STARD7: variants seen among roughly 807,000 people sequenced by gnomAD.
STARD7 encodes StAR related lipid transfer domain containing 7.
In STARD7, 30 loss-of-function variants were observed where a neutral mutation model predicts 45.3. The ratio of observed to expected loss-of-function variants is 0.66; its 90% CI spans 0.50 to 0.90. The LOEUF (loss-of-function observed/expected upper bound fraction) is 0.90, where lower values mean the gene tolerates loss of function less well. STARD7 is among the 40% of genes least tolerant of loss of function. The pLI is 0.00. For synonymous variants in STARD7, 199 were observed against 183.0 expected (o/e 1.09, Z -0.70); for missense variants, 495 against 491.3 (o/e 1.01, Z -0.07).
intron 1 of STARD7, 61 bp downstream of exon 1, chr2:96,208,084 G>T: frequency 6.9e-7 from 1 of 1,450,464 alleles, no homozygotes; most frequent in Non-Finnish European, 9.2e-7. Context: ...CACAGGGCAG[G>T]CCCCAGGGTT....
In STARD7 at chr2:96,186,208, GC is replaced by G. The variant is rs2104164226; in HGVS notation, c.*521del. On this transcript the variant is annotated 3_prime_UTR_variant, in exon 8 of 8. Transcript: ENST00000337288. ...TAACTTCATGTCTCTAGAGATAAAA[GC>G]AAGGTGCGGACAAGGCACTTAACAT... The G allele has an allele frequency of 6.6e-6, 1 of 152,258 alleles. No homozygotes were observed. Among genetic ancestry groups the G allele is most frequent in the South Asian group, 2.1e-4 (1 of 4,770 alleles). The allele number at this position is 152,258 out of a possible 1,614,324, so 9.4% of individuals were successfully genotyped here.
intron 1 of STARD7, among the ~76,000 whole-genome samples, chr2:96,203,827 G>A (rs539496513): frequency 2.6e-5 from 4 of 152,240 alleles, no homozygotes; most frequent in South Asian, 2.1e-4. Flanking sequence ...TTAGGTGGGC[G>A]TGGTGGGGCA....
chr2:96,198,519 T>C (rs761145563), intron 1 of STARD7, among the ~76,000 whole-genome samples: 25 of 152,212 alleles, frequency 1.6e-4, no homozygotes, highest in Non-Finnish European at 2.8e-4. Context: ...TTGAGGATTC[T>C]AACTGCTCCA....
At chr2:96,187,114 AAAAAG>A in intron 7 of STARD7, 98 bp downstream of exon 7, 38 of 1,048,400 alleles carry the variant, frequency 3.6e-5, no homozygotes, top group Middle Eastern at 2.1e-4. Flanking sequence ...GAAAAAAAAA[AAAAAG>A]AAGAACCAGA....
rs541699805 is a variant in STARD7, at chr2:96,195,372, T to A, written c.468A>T (p.Pro156=). 87 of 1,588,308 alleles carry A rather than the reference T, an allele frequency of 5.5e-5. 1 individual carries two copies. In the South Asian group the frequency reaches 9.6e-4, roughly 18 times the overall value. The change falls in exon 2 of 8, where the codon CCA becomes CCT. Residue 156 remains proline (P), a synonymous_variant. Coordinates refer to ENST00000337288, the MANE Select transcript of STARD7 (RefSeq NM_020151.4). ...ACTGGTAAAGGTGGGTGCCTGTAATTGGGCGCCGCCACAGCTTAAAGTGTT... is the reference window on the plus strand; with the variant it reads ...ACTGGTAAAGGTGGGTGCCTGTAATAGGGCGCCGCCACAGCTTAAAGTGTT... ...DKKHFKLWRR[P]ITGTHLYQYR...
intron 7 of STARD7, 79 bp from the exon 8 acceptor site, chr2:96,186,993 A>G: frequency 7.5e-7 from 1 of 1,335,842 alleles, no homozygotes; most frequent in Admixed American, 2.2e-5. Context: ...TATTTCTTTG[A>G]TGGTAGGGAA....
Position 96,194,098 on chromosome 2 carries a change from C to G in STARD7, c.550-746G>C, listed in dbSNP as rs116543336. 5.9e-3 allele frequency among the ~76,000 whole-genome samples: 895 copies of G among 152,312 alleles called. 11 individuals carry two copies. The highest frequency in any genetic ancestry group is 0.021 in the African/African-American group (861 of 41,566). On this transcript the variant is annotated intron_variant, in intron 3 of 7. Coordinates refer to ENST00000337288, the MANE Select transcript of STARD7 (RefSeq NM_020151.4). ...CATTGGGCCAACACAGTGACTCACA[C>G]CTGTAATCCCGGCACTTTGGGAGGC...
Position 96,192,382 on chromosome 2 carries a change from T to C in STARD7, c.830A>G (p.Lys277Arg), listed in dbSNP as rs1412064358. ...YESQMVIRPH[K>R]SFDENGFDYL... ...GGTAAAACTCACCTCATCAAATGAC[T>C]TGTGGGGACGGATAACCATTTGGGA... Residue 277 changes from lysine to arginine, a missense_variant, in exon 6 of 8, where the codon AAG becomes AGG. Coordinates refer to ENST00000337288, the MANE Select transcript of STARD7 (RefSeq NM_020151.4). The C allele has an allele frequency of 6.2e-7, 1 of 1,613,280 alleles. No individual in the cohort carries two copies. The highest frequency in any genetic ancestry group is 1.3e-5 in the African/African-American group (1 of 74,886).
rs1289002766 is a variant in STARD7 at position 96,195,425 on chromosome 2, G to A, written c.415C>T (p.Gln139Ter). Reference sequence around the variant, plus strand: ...TTATCCATCACCATTTCCCAACGTTGCTCTTTGCCCTCTGAATCTTCATTC... The same window carrying A: ...TTATCCATCACCATTTCCCAACGTTACTCTTTGCCCTCTGAATCTTCATTC... ...EGNEDSEGKE[Q>*]RWEMVMDKKH... is the part of the protein sequence containing the mutation. The change falls in exon 2 of 8, where the codon CAA becomes TAA. Residue 139 changes from glutamine (Q) to a stop codon, truncating the protein, a stop_gained. Transcript: ENST00000337288. LOFTEE classifies it high-confidence loss of function. The A allele has an allele frequency of 1.2e-6, 2 of 1,612,260 alleles. No individual in the cohort carries two copies. The highest frequency in any genetic ancestry group is 1.3e-5 in the African/African-American group (1 of 74,918).
chr2:96,190,048 G>A (rs565685697), intron 6 of STARD7, among the ~76,000 whole-genome samples: 1 of 152,016 alleles, frequency 6.6e-6, no homozygotes, highest in Non-Finnish European at 1.5e-5. Context: ...AACAATAAAC[G>A]ACCCAATAGC....
At chr2:96,190,233 G>C (rs891300474) in intron 6 of STARD7, among the ~76,000 whole-genome samples, 3 of 152,098 alleles carry the variant, frequency 2.0e-5, no homozygotes, top group African/African-American at 7.2e-5. Flanking sequence ...CATGTCAAAG[G>C]GGCTTGAGCC....
chr2:96,188,463 C>T (rs1022170241), intron 6 of STARD7, among the ~76,000 whole-genome samples: 2 of 150,328 alleles, frequency 1.3e-5, no homozygotes, highest in African/African-American at 2.4e-5. Flanking sequence ...TCAGTAGAAA[C>T]GGGGCTTCTC....
At chr2:96,202,777 G>A (rs1209634507) in intron 1 of STARD7, among the ~76,000 whole-genome samples, 1 of 152,296 alleles carries the variant, frequency 6.6e-6, no homozygotes, top group East Asian at 1.9e-4. Context: ...ACATAATAAA[G>A]GGGAGCATGT....
At chr2:96,194,863 A>T in intron 3 of STARD7, 95 bp downstream of exon 3, 1 of 1,020,668 alleles carries the variant, frequency 9.8e-7, no homozygotes, top group Non-Finnish European at 1.5e-6. Flanking sequence ...GGATGTACTT[A>T]AGCCAATGTC....
At chr2:96,195,727 A>G (rs1447732180) in intron 1 of STARD7, among the ~76,000 whole-genome samples, 178 bp from the exon 2 acceptor site, 1 of 152,218 alleles carries the variant, frequency 6.6e-6, no homozygotes, top group Non-Finnish European at 1.5e-5. Flanking sequence ...TCCAACACTC[A>G]CTAACTAGAT....
Position 96,185,863 on chromosome 2 carries a change from T to C in STARD7, c.*867A>G, listed in dbSNP as rs995450677. ...CTCAACTCCTATTTGACACAAAAGT[T>C]AAAAAATTTTTAAACTAAATTTAAA... On this transcript the variant is annotated 3_prime_UTR_variant, in exon 8 of 8. Transcript: ENST00000337288. 3.3e-5 allele frequency: 5 copies of C among 152,220 alleles called. No homozygotes were observed. Among genetic ancestry groups the C allele is most frequent in the Non-Finnish European group, 5.9e-5 (4 of 68,038 alleles). The allele number at this position is 152,220 out of a possible 1,614,324, so 9.4% of individuals were successfully genotyped here.
chr2:96,198,280 A>G (rs949231741), intron 1 of STARD7, among the ~76,000 whole-genome samples: 1 of 151,530 alleles, frequency 6.6e-6, no homozygotes, highest in Non-Finnish European at 1.5e-5. Flanking sequence ...CCAAGATTGC[A>G]CCACTTCACT....
intron 1 of STARD7, among the ~76,000 whole-genome samples, chr2:96,197,992 G>A (rs974206695): frequency 1.3e-5 from 2 of 151,618 alleles, no homozygotes; most frequent in African/African-American, 2.4e-5. Flanking sequence ...TTTTATTATA[G>A]TGCTATTATA....
At chr2:96,190,178 C>A (rs776755360) in intron 6 of STARD7, among the ~76,000 whole-genome samples, 9 of 152,058 alleles carry the variant, frequency 5.9e-5, no homozygotes, top group Non-Finnish European at 1.3e-4. Flanking sequence ...ACAAGATGAA[C>A]CTACAACATC....
Sources: gnomAD v4.1 joint callset for allele counts (sites outside exome capture counted in the v4.1 genomes callset) on GRCh38, gnomAD v4.1.1 for gene constraint, MANE v1.5 for transcripts, NCBI Gene and HGNC (gene_info 2026-07-23, HGNC 2026-07-21) for gene names.